STK39: variants seen among roughly 807,000 people sequenced by gnomAD.
The protein encoded by STK39 is STE20/SPS1-related proline-alanine-rich protein kinase.
STK39 carries 20 observed loss-of-function variants against 77.8 expected under a neutral mutation model. That is an observed-to-expected ratio of 0.26 (90% CI 0.18 to 0.37). STK39 has a LOEUF of 0.37. STK39 is among the 10% of genes least tolerant of loss of function. The probability of loss-of-function intolerance (pLI) is 1.00; values close to 1 mark genes in which losing one functional copy is unlikely to be tolerated. For missense variants in STK39, 479 were observed against 656.5 expected (o/e 0.73, Z 2.95); for synonymous variants, 246 against 234.1 (o/e 1.05, Z -0.47).
At chr2:168,143,831 C>T (rs1290235073) in intron 5 of STK39, among the ~76,000 whole-genome samples, 1 of 152,190 alleles carries the variant, frequency 6.6e-6, no homozygotes, top group Non-Finnish European at 1.5e-5. Context: ...CTCCAGCCTA[C>T]TGAATGACTT....
chr2:168,063,530 G>C lies in STK39; in HGVS notation c.1346C>G (p.Ser449Cys). Residue 449 changes from serine (S) to cysteine (C), a missense_variant, in exon 14 of 18, where the codon TCT becomes TGT. Physicochemically the swap from Ser to Cys is moderately radical, Grantham distance 112 (BLOSUM62 -1). Coordinates refer to ENST00000355999, the MANE Select transcript of STK39 (RefSeq NM_013233.3). The stretch of plus-strand genomic sequence containing the variant: ...TCTCAAAACGAGGTTCACGGCACAA[G>C]AAGAAGCTTCTCTGTAGTCTTCATT... ...NANEDYREAS[S>C]CAVNLVLRLR... The C allele has an allele frequency of 1.2e-6, 2 of 1,613,176 alleles. No individual in the cohort carries two copies.
At chr2:167,956,704 T>TCACACACA (rs1691786226) in intron 17 of STK39, among the ~76,000 whole-genome samples, 1 of 31,344 alleles carries the variant, frequency 3.2e-5, no homozygotes, top group Non-Finnish European at 8.0e-5. Flanking sequence ...ACACTCTCTC[T>TCACACACA]CTCTCTCTCT....
intron 5 of STK39, among the ~76,000 whole-genome samples, chr2:168,153,529 A>ATGC (rs1398352963): frequency 2.0e-5 from 3 of 151,698 alleles, no homozygotes; most frequent in Non-Finnish European, 4.4e-5. Context: ...TATCAAGTTT[A>ATGC]TGCTGCTGCT....
At chr2:168,007,056 G>A (rs1684149970) in intron 16 of STK39, among the ~76,000 whole-genome samples, 1 of 152,146 alleles carries the variant, frequency 6.6e-6, no homozygotes, top group African/African-American at 2.4e-5. Flanking sequence ...CTTTCACAAT[G>A]CTGTAAGCAT....
intron 1 of STK39, among the ~76,000 whole-genome samples, chr2:168,212,930 G>A (rs1270430218): frequency 6.6e-6 from 1 of 152,110 alleles, no homozygotes; most frequent in Non-Finnish European, 1.5e-5. Flanking sequence ...AAGCAGAAGA[G>A]TATAGACTCC....
intron 16 of STK39, among the ~76,000 whole-genome samples, chr2:167,996,204 G>A (rs941579397): frequency 3.9e-5 from 6 of 152,104 alleles, no homozygotes; most frequent in South Asian, 2.1e-4. Flanking sequence ...ATCCACTCTC[G>A]TGATGTAGGG....
At chr2:168,242,095 C>T (rs55955513) in intron 1 of STK39, among the ~76,000 whole-genome samples, 1,754 of 152,296 alleles carry the variant, frequency 0.012, 32 homozygotes, top group African/African-American at 0.04. Flanking sequence ...TAAAGGATTG[C>T]AGTCACTTTA....
chr2:168,174,164 A>C (rs1688897749), intron 2 of STK39, among the ~76,000 whole-genome samples: 1 of 152,220 alleles, frequency 6.6e-6, no homozygotes, highest in African/African-American at 2.4e-5. Context: ...GGAAAGCATA[A>C]ATTTTGTGAT....
intron 5 of STK39, among the ~76,000 whole-genome samples, chr2:168,144,495 G>A (rs553124220): frequency 6.6e-6 from 1 of 151,684 alleles, no homozygotes; most frequent in Non-Finnish European, 1.5e-5. Context: ...TTGTAGATAT[G>A]GGGTCTCTCT....
chr2:168,157,534 C>T (rs1374373543), intron 5 of STK39, among the ~76,000 whole-genome samples: 4 of 152,072 alleles, frequency 2.6e-5, no homozygotes, highest in Admixed American at 1.3e-4. Context: ...ATTATGGCAT[C>T]GGCAGATTCA....
In STK39 at chr2:168,247,222, A is replaced by T; in HGVS notation, c.208+6T>A. 2 of 1,195,344 alleles carry T rather than the reference A, an allele frequency of 1.7e-6. No individual in the cohort carries two copies. Among genetic ancestry groups the T allele is most frequent in the South Asian group, 2.4e-5 (1 of 41,886 alleles). 74.0% of individuals were successfully genotyped at this position (1,195,344 alleles called of 1,614,324 possible). On this transcript the variant is annotated splice_donor_region_variant and intron_variant, in intron 1 of 17. Transcript: ENST00000355999. Reference sequence around the variant, plus strand: ...GTGCCGGCCCCGCCGCGCCCGCCGCACTGACCGATAACCTCCTGCAGCTCG... The same window carrying T: ...GTGCCGGCCCCGCCGCGCCCGCCGCTCTGACCGATAACCTCCTGCAGCTCG...
intron 14 of STK39, among the ~76,000 whole-genome samples, chr2:168,046,984 T>C (rs1229647944): frequency 6.6e-6 from 1 of 151,828 alleles, no homozygotes; most frequent in Non-Finnish European, 1.5e-5. Context: ...CGAGTATAGA[T>C]TGTACAATAA....
intron 16 of STK39, among the ~76,000 whole-genome samples, chr2:168,008,262 T>A (rs1444818882): frequency 1.3e-5 from 2 of 152,098 alleles, no homozygotes; most frequent in Non-Finnish European, 2.9e-5. Context: ...AGAACTCAAC[T>A]GGGAGTTGAG....
At chr2:168,028,008 A>G (rs1326886281) in intron 14 of STK39, among the ~76,000 whole-genome samples, 2 of 152,188 alleles carry the variant, frequency 1.3e-5, no homozygotes, top group African/African-American at 4.8e-5. Flanking sequence ...TCTAGAAGTA[A>G]TCCAAACTAA....
At chr2:168,118,281 A>G (rs987302366) in intron 10 of STK39, among the ~76,000 whole-genome samples, 1 of 152,192 alleles carries the variant, frequency 6.6e-6, no homozygotes, top group Non-Finnish European at 1.5e-5. Flanking sequence ...AAGGAAGCAC[A>G]TAATATGTTT....
chr2:167,998,034 C>A (rs1683892709), intron 16 of STK39, among the ~76,000 whole-genome samples: 1 of 152,122 alleles, frequency 6.6e-6, no homozygotes, highest in Admixed American at 6.6e-5. Flanking sequence ...GTTACCTCTA[C>A]TCCTCAAAAG....
At chr2:168,231,512 G>C (rs569475193) in intron 1 of STK39, among the ~76,000 whole-genome samples, 1 of 151,830 alleles carries the variant, frequency 6.6e-6, no homozygotes, top group Non-Finnish European at 1.5e-5. Flanking sequence ...GGTTCCTCAA[G>C]GACAGCTGCC....
At chr2:168,018,560 AAGAAAGAAAGAAAGAAAG>A (rs1559059524) in intron 14 of STK39, among the ~76,000 whole-genome samples, 61 of 147,078 alleles carry the variant, frequency 4.1e-4, no homozygotes, top group African/African-American at 1.4e-3. Context: ...GAAAGAAAGA[AAGAAAGAAAGAAAGAAAG>A]AAAGAAAGAA....
Position 168,173,282 on chromosome 2 carries a change from G to A in STK39, c.322-5875C>T, listed in dbSNP as rs890805676. ...TTTAAAGAATTCTTTAAATGGTATAGGAGTAATCTTGTTAAATAAAAACAC... is the reference window on the plus strand; with the variant it reads ...TTTAAAGAATTCTTTAAATGGTATAAGAGTAATCTTGTTAAATAAAAACAC... On this transcript the variant is annotated intron_variant, in intron 2 of 17. Transcript: ENST00000355999. Among the ~76,000 whole-genome samples, 4 of 152,138 alleles carry A rather than the reference G, an allele frequency of 2.6e-5. No individual in the cohort carries two copies. In the East Asian group the frequency reaches 7.7e-4, roughly 29 times the overall value.
Sources: allele counts gnomAD v4.1 joint callset (sites outside exome capture counted in the v4.1 genomes callset), GRCh38; gene constraint gnomAD v4.1.1; transcripts MANE v1.5; gene names NCBI Gene and HGNC (gene_info 2026-07-23, HGNC 2026-07-21).